PDZD2: variants seen among roughly 807,000 people sequenced by gnomAD.
The protein encoded by PDZD2 is PDZ domain-containing protein 2.
A neutral mutation model predicts 220.7 loss-of-function variants in PDZD2; 90 were observed. The observed-to-expected ratio is 0.41, with a 90% CI of 0.34 to 0.49. The LOEUF (loss-of-function observed/expected upper bound fraction) is 0.49. Ranked by LOEUF, PDZD2 falls within the 20% of genes least tolerant of loss-of-function variation. The probability of loss-of-function intolerance (pLI) is 0.28; values close to 1 mark genes in which losing one functional copy is unlikely to be tolerated. For synonymous variants in PDZD2, 1,375 were observed against 1,450.5 expected (o/e 0.95, Z 1.18); for missense variants, 3,174 against 3,608.5 (o/e 0.88, Z 3.08).
At chr5:32,039,932 G>A (rs1254944087) in intron 7 of PDZD2, among the ~76,000 whole-genome samples, 2 of 135,122 alleles carry the variant, frequency 1.5e-5, no homozygotes, top group African/African-American at 2.9e-5. Flanking sequence ...AGTGAGGAGC[G>A]CCTCTGCCCA....
chr5:32,045,436 T>C (rs992217406), intron 7 of PDZD2, among the ~76,000 whole-genome samples: 34 of 151,828 alleles, frequency 2.2e-4, no homozygotes, highest in African/African-American at 6.8e-4. Flanking sequence ...TTTTTTTTTT[T>C]CCCAAGACGG....
chr5:31,805,066 A>G (rs1052728670), intron 2 of PDZD2, among the ~76,000 whole-genome samples: 20 of 152,130 alleles, frequency 1.3e-4, no homozygotes, highest in African/African-American at 4.8e-4. Context: ...GTGGTGATGC[A>G]TGCCTGTAAT....
chr5:32,006,518 C>T (rs1752818542), intron 5 of PDZD2, among the ~76,000 whole-genome samples: 1 of 151,734 alleles, frequency 6.6e-6, no homozygotes, highest in African/African-American at 2.4e-5. Flanking sequence ...CCATACATGG[C>T]TACTGTTCGT....
intron 2 of PDZD2, among the ~76,000 whole-genome samples, chr5:31,886,381 C>T (rs1488677841): frequency 6.6e-6 from 1 of 152,110 alleles, no homozygotes; most frequent in Non-Finnish European, 1.5e-5. Context: ...TGGCCCCTTC[C>T]TTCCCTGCCA....
At chr5:31,992,610 G>A (rs148157880) in intron 3 of PDZD2, among the ~76,000 whole-genome samples, 2 of 152,154 alleles carry the variant, frequency 1.3e-5, no homozygotes, top group African/African-American at 2.4e-5. Context: ...AAGAGGAGGG[G>A]AAAAGGAGAA....
chr5:32,006,681 CTTT>C (rs76703572), intron 5 of PDZD2, among the ~76,000 whole-genome samples: 12 of 116,638 alleles, frequency 1.0e-4, no homozygotes, highest in African/African-American at 4.7e-4. Flanking sequence ...GGCTCAACAC[CTTT>C]TTTTTTTTTT....
At position 31,847,945 on chromosome 5, in the gene PDZD2, A is replaced by G. The variant is rs968315535; in HGVS notation, c.476+48221A>G. ...ACCAGAAACCATTCTCTCAATACATAAAGAACAGCATAACTCCAGACATGA... is the reference window on the plus strand; with the variant it reads ...ACCAGAAACCATTCTCTCAATACATGAAGAACAGCATAACTCCAGACATGA... On this transcript the variant is annotated intron_variant, in intron 2 of 24. Transcript: ENST00000438447. 10 of 453,154 alleles carry G rather than the reference A, an allele frequency of 2.2e-5. No homozygotes were observed. The East Asian group carries it at 5.1e-4, about 23-fold the overall frequency. 28.1% of individuals were successfully genotyped at this position (453,154 alleles called of 1,614,324 possible).
intron 1 of PDZD2, among the ~76,000 whole-genome samples, chr5:31,788,325 C>A (rs982078501): frequency 6.6e-6 from 1 of 151,964 alleles, no homozygotes; most frequent in Admixed American, 6.6e-5. Flanking sequence ...GAGCTGATAT[C>A]GTGCCATTGT....
At chr5:31,800,722 A>G (rs925938433) in intron 2 of PDZD2, among the ~76,000 whole-genome samples, 1 of 152,142 alleles carries the variant, frequency 6.6e-6, no homozygotes, top group Non-Finnish European at 1.5e-5. Flanking sequence ...GGTTTTAATG[A>G]TAGGTATATA....
intron 2 of PDZD2, among the ~76,000 whole-genome samples, chr5:31,832,688 C>T (rs1487766751): frequency 2.6e-5 from 4 of 152,058 alleles, no homozygotes; most frequent in Admixed American, 6.6e-5. Flanking sequence ...CGGTGGCGGG[C>T]GCCTGTAAAC....
chr5:31,673,934 G>C (rs1746309509), intron 1 of PDZD2, among the ~76,000 whole-genome samples: 1 of 152,124 alleles, frequency 6.6e-6, no homozygotes, highest in East Asian at 1.9e-4. Flanking sequence ...TCACGCCACT[G>C]TACTCCAGCC....
chr5:31,757,844 C>A (rs932630364), intron 1 of PDZD2, among the ~76,000 whole-genome samples: 1 of 152,220 alleles, frequency 6.6e-6, no homozygotes, highest in Admixed American at 6.5e-5. Flanking sequence ...CTATCCCCTT[C>A]CCTCCCCGCA....
At chr5:31,765,295 C>T (rs942636115) in intron 1 of PDZD2, among the ~76,000 whole-genome samples, 2 of 152,154 alleles carry the variant, frequency 1.3e-5, no homozygotes, top group African/African-American at 2.4e-5. Flanking sequence ...ATGTACTCCT[C>T]GCTGGAGGAT....
At chr5:31,647,798 A>G (rs987516485) in intron 1 of PDZD2, among the ~76,000 whole-genome samples, 4 of 152,236 alleles carry the variant, frequency 2.6e-5, no homozygotes, top group African/African-American at 4.8e-5. Flanking sequence ...GGGAGCTACT[A>G]TTCAACACAG....
chr5:31,942,504 C>T, intron 2 of PDZD2, among the ~76,000 whole-genome samples: 1 of 152,132 alleles, frequency 6.6e-6, no homozygotes, highest in East Asian at 1.9e-4. Flanking sequence ...AAGTTTCACT[C>T]TATTGCCCAA....
chr5:31,922,625 T>G (rs1744373585), intron 2 of PDZD2, among the ~76,000 whole-genome samples: 1 of 152,184 alleles, frequency 6.6e-6, no homozygotes, highest in Admixed American at 6.5e-5. Context: ...GTAACTACTC[T>G]GAAAGACACA....
In PDZD2 at chr5:32,089,206, C is replaced by A. The variant is rs776529947; in HGVS notation, c.5758C>A (p.Pro1920Thr). The part of the protein sequence containing the change: ...GTDHRKPLIS[P>T]QTSHKTLSKA... Reference sequence around the variant, plus strand: ...GGACCACAGGAAACCCTTGATCTCACCCCAGACCTCCCACAAAACACTTTC... The same window carrying A: ...GGACCACAGGAAACCCTTGATCTCAACCCAGACCTCCCACAAAACACTTTC... The change falls in exon 20 of 25, where the codon CCC becomes ACC. Residue 1920 changes from proline (P) to threonine (T), a missense_variant. By Grantham distance (38) the Pro-to-Thr change is conservative. Around this residue, in one of 4 missense-constraint regions of PDZD2, gnomAD observed 1,861 missense variants for 2,001.0 expected, o/e 0.93. Coordinates refer to ENST00000438447, the MANE Select transcript of PDZD2 (RefSeq NM_178140.4). 3 of 1,614,194 alleles carry A rather than the reference C, an allele frequency of 1.9e-6. No individual in the cohort carries two copies. The Admixed American group carries it at 5.0e-5, about 27-fold the overall frequency.
At chr5:31,949,251 G>A (rs1443965842) in intron 2 of PDZD2, among the ~76,000 whole-genome samples, 4 of 151,702 alleles carry the variant, frequency 2.6e-5, no homozygotes, top group African/African-American at 7.3e-5. Context: ...TGCAACCAAC[G>A]TTAGGAAGTA....
chr5:31,893,268 C>G (rs1277709587), intron 2 of PDZD2, among the ~76,000 whole-genome samples: 1 of 152,000 alleles, frequency 6.6e-6, no homozygotes, highest in Non-Finnish European at 1.5e-5. Context: ...GATTGTGGTT[C>G]GCATTTAAAA....
Sources: gnomAD v4.1 joint callset for allele counts (sites outside exome capture counted in the v4.1 genomes callset) on GRCh38, gnomAD v4.1.1 for gene constraint, gnomAD v4.1.1 regional missense constraint, MANE v1.5 for transcripts, NCBI Gene and HGNC (gene_info 2026-07-23, HGNC 2026-07-21) for gene names.